The following CXCL13 variants were observed in gnomAD, a reference collection of about 807,000 sequenced individuals.
CXCL13 encodes C-X-C motif chemokine 13.
A neutral mutation model predicts 12.2 loss-of-function variants in CXCL13; 7 were observed. The observed-to-expected ratio is 0.57, with a 90% CI of 0.33 to 1.07. The LOEUF is 1.07. Among genes scored for constraint, CXCL13 ranks in the 50% least tolerant of loss-of-function variants. The pLI, the probability that CXCL13 is intolerant of heterozygous loss-of-function variation, is 0.04. For synonymous variants in CXCL13, 47 were observed against 42.4 expected (o/e 1.11, Z -0.42); for missense variants, 113 against 127.4 (o/e 0.89, Z 0.55).
intron 1 of CXCL13, among the ~76,000 whole-genome samples, chr4:77,569,375 C>G (rs769043016): frequency 2.0e-5 from 3 of 152,188 alleles, no homozygotes; most frequent in Non-Finnish European, 4.4e-5. Flanking sequence ...CACATAATCT[C>G]AGCCCAAAAG....
chr4:77,588,316 C>T (rs1049532856), intron 1 of CXCL13, among the ~76,000 whole-genome samples: 1 of 152,180 alleles, frequency 6.6e-6, no homozygotes, highest in Non-Finnish European at 1.5e-5. Context: ...GCCCCTGAGG[C>T]ATAAGATAAA....
At chr4:77,563,737 A>T (rs1363220845) in intron 1 of CXCL13, among the ~76,000 whole-genome samples, 1 of 152,198 alleles carries the variant, frequency 6.6e-6, no homozygotes, top group Non-Finnish European at 1.5e-5. Flanking sequence ...ATACAGAAAA[A>T]CAGAGTTAAC....
At chr4:77,562,368 G>A (rs1725836350) in intron 1 of CXCL13, among the ~76,000 whole-genome samples, 1 of 152,032 alleles carries the variant, frequency 6.6e-6, no homozygotes, top group African/African-American at 2.4e-5. Context: ...ACCTGCACCG[G>A]GGTGCAGGAT....
At chr4:77,598,381 C>T (rs914219561) in intron 1 of CXCL13, among the ~76,000 whole-genome samples, 1 of 152,158 alleles carries the variant, frequency 6.6e-6, no homozygotes, top group Non-Finnish European at 1.5e-5. Flanking sequence ...GAAAGATAAC[C>T]ATTCCATCCC....
chr4:77,534,547 A>G (rs1248805576), intron 1 of CXCL13, among the ~76,000 whole-genome samples: 1 of 152,258 alleles, frequency 6.6e-6, no homozygotes, highest in African/African-American at 2.4e-5. Context: ...TGAAATGCAC[A>G]TGAGATCTCT....
intron 1 of CXCL13, among the ~76,000 whole-genome samples, chr4:77,581,539 A>G (rs1209228324): frequency 6.6e-6 from 1 of 152,204 alleles, no homozygotes; most frequent in South Asian, 2.1e-4. Context: ...GAGTTCTTCC[A>G]GGAACCACCT....
intron 1 of CXCL13, among the ~76,000 whole-genome samples, chr4:77,581,732 C>T (rs1400454696): frequency 6.6e-6 from 1 of 152,174 alleles, no homozygotes; most frequent in African/African-American, 2.4e-5. Flanking sequence ...TTCCCACTAT[C>T]CTCTCCCCCA....
At chr4:77,513,918 T>C (rs1279032440) in intron 1 of CXCL13, among the ~76,000 whole-genome samples, 2 of 152,054 alleles carry the variant, frequency 1.3e-5, no homozygotes, top group Non-Finnish European at 2.9e-5. Flanking sequence ...ACTCGTCATC[T>C]AGCATTAGGT....
At chr4:77,575,852 G>A (rs1726186201) in intron 1 of CXCL13, among the ~76,000 whole-genome samples, 1 of 151,716 alleles carries the variant, frequency 6.6e-6, no homozygotes, top group African/African-American at 2.4e-5. Context: ...ATATTTTAGT[G>A]AAAAATATTA....
intron 1 of CXCL13, among the ~76,000 whole-genome samples, chr4:77,522,722 A>G (rs1328923455): frequency 6.6e-6 from 1 of 151,538 alleles, no homozygotes; most frequent in East Asian, 1.9e-4. Flanking sequence ...TAAGGTTAAT[A>G]TTGTTATGTG....
intron 1 of CXCL13, among the ~76,000 whole-genome samples, chr4:77,561,380 A>G (rs760823755): frequency 1.3e-5 from 2 of 152,230 alleles, no homozygotes; most frequent in Non-Finnish European, 2.9e-5. Context: ...TGGCAGCTCT[A>G]TATAAAAGTG....
At chr4:77,548,767 A>AT (rs1404195504) in intron 1 of CXCL13, among the ~76,000 whole-genome samples, 3 of 151,800 alleles carry the variant, frequency 2.0e-5, no homozygotes, top group Non-Finnish European at 4.4e-5. Flanking sequence ...TGCCCTTAAC[A>AT]TTTTTTCCTT....
At chr4:77,517,007 T>C (rs944034335) in intron 1 of CXCL13, among the ~76,000 whole-genome samples, 1 of 152,236 alleles carries the variant, frequency 6.6e-6, no homozygotes, top group Non-Finnish European at 1.5e-5. Flanking sequence ...GTATCTTGTG[T>C]CTTTGTTCTC....
At position 77,577,884 on chromosome 4, in the gene CXCL13, C is replaced by A. The variant is rs533744369; in HGVS notation, c.-42-27940C>A. On this transcript the variant is annotated intron_variant, in intron 1 of 4. Coordinates refer to the CXCL13 transcript ENST00000286758. Reference sequence around the variant, plus strand: ...TTACCCCTTTCGGATGCATCCTGAACCCCTGGGACTCCTTTGAAAAAACCT... The same window carrying A: ...TTACCCCTTTCGGATGCATCCTGAAACCCTGGGACTCCTTTGAAAAAACCT... Among the ~76,000 whole-genome samples the A allele has an allele frequency of 2.0e-5, 3 of 152,250 alleles. No homozygotes were observed. The South Asian group carries it at 6.2e-4, about 32-fold the overall frequency.
At chr4:77,562,338 C>A (rs1009203988) in intron 1 of CXCL13, among the ~76,000 whole-genome samples, 1 of 151,998 alleles carries the variant, frequency 6.6e-6, no homozygotes, top group Admixed American at 6.6e-5. Flanking sequence ...GCACAAGGCA[C>A]GGGATTGGCA....
At chr4:77,530,611 G>T (rs1724887376) in intron 1 of CXCL13, among the ~76,000 whole-genome samples, 1 of 152,054 alleles carries the variant, frequency 6.6e-6, no homozygotes, top group African/African-American at 2.4e-5. Flanking sequence ...CTGTGGGATT[G>T]GTGGTGATAT....
At chr4:77,556,972 G>A (rs867733657) in intron 1 of CXCL13, among the ~76,000 whole-genome samples, 9 of 152,052 alleles carry the variant, frequency 5.9e-5, no homozygotes, top group South Asian at 2.1e-4. Context: ...ATTTATGATC[G>A]TGCCACTGCC....
At chr4:77,563,077 G>A (rs562925538) in intron 1 of CXCL13, among the ~76,000 whole-genome samples, 41 of 152,172 alleles carry the variant, frequency 2.7e-4, no homozygotes, top group African/African-American at 9.6e-4. Flanking sequence ...CACTCACCAC[G>A]AAGGTCTGTA....
At chr4:77,563,380 C>T (rs999258986) in intron 1 of CXCL13, among the ~76,000 whole-genome samples, 1 of 152,160 alleles carries the variant, frequency 6.6e-6, no homozygotes, top group Non-Finnish European at 1.5e-5. Context: ...AGTTTCCCTG[C>T]GAGATTAATG....
Sources: gnomAD v4.1 joint callset for allele counts (sites outside exome capture counted in the v4.1 genomes callset) on GRCh38, gnomAD v4.1.1 for gene constraint, MANE v1.5 for transcripts, NCBI Gene and HGNC (gene_info 2026-07-23, HGNC 2026-07-21) for gene names.